The following KCNIP1 variants were observed in gnomAD, a reference collection of about 807,000 sequenced individuals.
KCNIP1 encodes the protein A-type potassium channel modulatory protein KCNIP1.
KCNIP1 carries 18 observed loss-of-function variants against 33.0 expected under a neutral mutation model. The ratio of observed to expected loss-of-function variants is 0.55; its 90% CI spans 0.38 to 0.81. KCNIP1 has a LOEUF of 0.81. Ranked by LOEUF, KCNIP1 falls within the 30% of genes least tolerant of loss-of-function variation. KCNIP1 has a pLI of 0.00. For missense variants in KCNIP1, 238 were observed against 271.6 expected (o/e 0.88, Z 0.87); for synonymous variants, 93 against 98.3 (o/e 0.95, Z 0.32).
At chr5:170,354,172 T>A (rs1763284490) in intron 1 of KCNIP1, among the ~76,000 whole-genome samples, 1 of 152,136 alleles carries the variant, frequency 6.6e-6, no homozygotes, top group African/African-American at 2.4e-5. Flanking sequence ...CTGGCTGTAA[T>A]TGCCTGGAAC....
At chr5:170,590,936 G>T (rs1758228345) in intron 1 of KCNIP1, among the ~76,000 whole-genome samples, 1 of 152,182 alleles carries the variant, frequency 6.6e-6, no homozygotes, top group African/African-American at 2.4e-5. Context: ...TTTGTATGGG[G>T]CAGGCCTGGA....
chr5:170,361,442 A>G (rs1763510593), intron 1 of KCNIP1, among the ~76,000 whole-genome samples: 1 of 152,194 alleles, frequency 6.6e-6, no homozygotes, highest in Non-Finnish European at 1.5e-5. Flanking sequence ...GAGGAGGACC[A>G]TGAACACAAA....
At chr5:170,543,785 A>AT (rs1756303619) in intron 1 of KCNIP1, among the ~76,000 whole-genome samples, 1 of 152,244 alleles carries the variant, frequency 6.6e-6, no homozygotes, top group Admixed American at 6.5e-5. Context: ...TTAAATGTGA[A>AT]TGGAAAAGTT....
chr5:170,692,042 T>C (rs561543861), intron 1 of KCNIP1, among the ~76,000 whole-genome samples: 2 of 152,192 alleles, frequency 1.3e-5, no homozygotes, highest in Non-Finnish European at 2.9e-5. Flanking sequence ...CAGATGCTAA[T>C]AGAGACATAA....
At chr5:170,441,024 T>C (rs1409144919) in intron 1 of KCNIP1, among the ~76,000 whole-genome samples, 1 of 152,170 alleles carries the variant, frequency 6.6e-6, no homozygotes, top group Non-Finnish European at 1.5e-5. Flanking sequence ...GCCGTCGCCC[T>C]TTGTCAGTGA....
At chr5:170,378,724 T>G in intron 1 of KCNIP1, 2 of 1,612,506 alleles carry the variant, frequency 1.2e-6, no homozygotes, top group Non-Finnish European at 1.7e-6. Flanking sequence ...GCCGCCAGGA[T>G]GGACAGGTAC....
At chr5:170,682,784 C>CTTTTTTT (rs70979196) in intron 1 of KCNIP1, among the ~76,000 whole-genome samples, 1,090 of 71,346 alleles carry the variant, frequency 0.015, 180 homozygotes, top group African/African-American at 0.049. Flanking sequence ...TTCTTTGTTT[C>CTTTTTTT]TTTTTTTTTT....
chr5:170,536,899 A>T (rs17564624), intron 1 of KCNIP1, among the ~76,000 whole-genome samples: 1 of 152,232 alleles, frequency 6.6e-6, no homozygotes, highest in Non-Finnish European at 1.5e-5. Flanking sequence ...TCTCCTGGGC[A>T]TTAGACTTGC....
intron 1 of KCNIP1, among the ~76,000 whole-genome samples, chr5:170,560,463 C>T (rs1011040734): frequency 2.0e-5 from 3 of 152,034 alleles, no homozygotes; most frequent in Admixed American, 1.3e-4. Flanking sequence ...CCTCTCACCT[C>T]GTGACCTTGG....
At chr5:170,719,366 G>A (rs1763741741) in intron 2 of KCNIP1, among the ~76,000 whole-genome samples, 1 of 152,182 alleles carries the variant, frequency 6.6e-6, no homozygotes, top group Non-Finnish European at 1.5e-5. Context: ...GAAGCCACAT[G>A]GAAGCCAGGT....
intron 1 of KCNIP1, among the ~76,000 whole-genome samples, chr5:170,513,516 A>T (rs1467503646): frequency 5.9e-5 from 9 of 152,190 alleles, no homozygotes; most frequent in African/African-American, 1.9e-4. Context: ...ATTCCAGCCA[A>T]CAGAGATCCT....
In KCNIP1 at chr5:170,529,638, G is replaced by A. The variant is rs140832968; in HGVS notation, c.61+25005G>A. 2.0e-3 allele frequency among the ~76,000 whole-genome samples: 298 copies of A among 152,308 alleles called. 2 individuals carry two copies. Among genetic ancestry groups the A allele is most frequent in the African/African-American group, 7.0e-3 (292 of 41,556 alleles). On this transcript the variant is annotated intron_variant, in intron 1 of 7. Transcript: ENST00000328939. The stretch of plus-strand genomic sequence containing the variant: ...GAGTTCGAGCTTGCCTTTGCAGGGC[G>A]CCTGCTTCCTGTTAGGACTGTGCTC...
At chr5:170,416,684 C>T (rs930643957) in intron 1 of KCNIP1, among the ~76,000 whole-genome samples, 3 of 146,460 alleles carry the variant, frequency 2.0e-5, no homozygotes, top group Non-Finnish European at 4.5e-5. Flanking sequence ...CTTACCGTAA[C>T]TCATTTTACC....
chr5:170,492,392 C>T (rs549186511), intron 1 of KCNIP1, among the ~76,000 whole-genome samples: 9 of 152,382 alleles, frequency 5.9e-5, no homozygotes, highest in Admixed American at 1.3e-4. Context: ...CCTCTCCAGG[C>T]ATGCCTTTCT....
chr5:170,668,576 C>T (rs910976508), intron 1 of KCNIP1, among the ~76,000 whole-genome samples: 1 of 152,220 alleles, frequency 6.6e-6, no homozygotes, highest in Non-Finnish European at 1.5e-5. Context: ...AAGAGATTGG[C>T]ATACAGGGGA....
At chr5:170,372,017 G>A (rs7737945) in intron 1 of KCNIP1, among the ~76,000 whole-genome samples, 40,015 of 151,942 alleles carry the variant, frequency 0.26, 5,380 homozygotes, top group Middle Eastern at 0.33. Context: ...AGACCCCACA[G>A]GTTAAGAACT....
At chr5:170,660,091 G>C (rs1011369773) in intron 1 of KCNIP1, among the ~76,000 whole-genome samples, 2 of 152,114 alleles carry the variant, frequency 1.3e-5, no homozygotes, top group African/African-American at 4.8e-5. Flanking sequence ...AAGAACATAG[G>C]ACATTACCAA....
intron 1 of KCNIP1, among the ~76,000 whole-genome samples, chr5:170,493,064 C>T (rs2113204932): frequency 6.6e-6 from 1 of 152,340 alleles, no homozygotes; most frequent in South Asian, 2.1e-4. Context: ...TATGACACCA[C>T]AGATGGGCAC....
intron 1 of KCNIP1, among the ~76,000 whole-genome samples, chr5:170,477,577 G>A (rs1000357437): frequency 1.8e-4 from 27 of 152,006 alleles, no homozygotes; most frequent in Non-Finnish European, 7.4e-5. Context: ...CAAGTAGCTG[G>A]GATTACAGGC....
Sources: gnomAD v4.1 joint callset for allele counts (sites outside exome capture counted in the v4.1 genomes callset) on GRCh38, gnomAD v4.1.1 for gene constraint, MANE v1.5 for transcripts, NCBI Gene and HGNC (gene_info 2026-07-23, HGNC 2026-07-21) for gene names.